CNTN4: variants seen among roughly 807,000 people sequenced by gnomAD.
CNTN4 encodes contactin-4.
A neutral mutation model predicts 122.5 loss-of-function variants in CNTN4; 77 were observed. That is an observed-to-expected ratio of 0.63 (90% CI 0.52 to 0.76). The LOEUF (loss-of-function observed/expected upper bound fraction) is 0.76, where lower values mean the gene tolerates loss of function less well. Among genes scored for constraint, CNTN4 ranks in the 30% least tolerant of loss-of-function variants. The pLI is 0.00. For synonymous variants in CNTN4, 512 were observed against 447.0 expected, an observed-to-expected ratio of 1.15 and a Z score of -1.83; for missense variants, 1,256 against 1,259.1, an observed-to-expected ratio of 1.00 and a Z score of 0.04.
At chr3:2,153,281 A>G (rs906840544) in intron 2 of CNTN4, among the ~76,000 whole-genome samples, 1 of 152,226 alleles carries the variant, frequency 6.6e-6, no homozygotes, top group East Asian at 1.9e-4. Context: ...CGAAGATTGC[A>G]TGACTACATC....
intron 2 of CNTN4, among the ~76,000 whole-genome samples, chr3:2,301,791 A>G (rs1288597579): frequency 6.6e-6 from 1 of 152,252 alleles, no homozygotes; most frequent in Non-Finnish European, 1.5e-5. Flanking sequence ...AGAAGTCTCC[A>G]TAAGGTATTC....
intron 4 of CNTN4, among the ~76,000 whole-genome samples, chr3:2,595,136 G>T (rs911059588): frequency 2.0e-5 from 3 of 152,118 alleles, no homozygotes; most frequent in South Asian, 2.1e-4. Flanking sequence ...ATGTCTTAAG[G>T]TTCCATTGAC....
chr3:2,420,748 A>G (rs1014044233), intron 3 of CNTN4, among the ~76,000 whole-genome samples: 3 of 152,072 alleles, frequency 2.0e-5, no homozygotes, highest in African/African-American at 7.2e-5. Flanking sequence ...TCTTTACTGG[A>G]CGCCTTCAAT....
chr3:2,429,762 C>G (rs1300423647), intron 3 of CNTN4, among the ~76,000 whole-genome samples: 1 of 152,204 alleles, frequency 6.6e-6, no homozygotes, highest in African/African-American at 2.4e-5. Flanking sequence ...CTTTGTTTAC[C>G]TACTCAAGCC....
intron 2 of CNTN4, among the ~76,000 whole-genome samples, chr3:2,241,504 T>A (rs2039940130): frequency 6.6e-6 from 1 of 152,174 alleles, no homozygotes; most frequent in Non-Finnish European, 1.5e-5. Context: ...GGATACCCCT[T>A]CCTTCCAGTT....
intron 2 of CNTN4, among the ~76,000 whole-genome samples, chr3:2,330,540 C>T (rs2043675708): frequency 6.6e-6 from 1 of 151,988 alleles, no homozygotes; most frequent in Non-Finnish European, 1.5e-5. Context: ...AAATGAAGAC[C>T]AAATATATAT....
intron 4 of CNTN4, among the ~76,000 whole-genome samples, chr3:2,601,033 C>G (rs1353297914): frequency 2.0e-5 from 3 of 152,264 alleles, no homozygotes; most frequent in Non-Finnish European, 4.4e-5. Context: ...TCATTGCCCA[C>G]TTTTTGATGG....
intron 7 of CNTN4, among the ~76,000 whole-genome samples, chr3:2,831,173 A>C (rs2093096584): frequency 6.6e-6 from 1 of 152,250 alleles, no homozygotes; most frequent in South Asian, 2.1e-4. Flanking sequence ...ACAAAGGAAT[A>C]AATCATGGCA....
intron 3 of CNTN4, among the ~76,000 whole-genome samples, chr3:2,378,269 G>A (rs960396688): frequency 2.0e-5 from 3 of 152,200 alleles, no homozygotes; most frequent in Non-Finnish European, 4.4e-5. Flanking sequence ...CGGGGATGCA[G>A]GCACTGCTGT....
intron 2 of CNTN4, among the ~76,000 whole-genome samples, chr3:2,200,090 C>A (rs1306250377): frequency 2.6e-5 from 4 of 152,050 alleles, no homozygotes; most frequent in Non-Finnish European, 5.9e-5. Flanking sequence ...ATTACCCCTG[C>A]AGTATGTAAA....
At chr3:2,165,507 T>G (rs1023060786) in intron 2 of CNTN4, among the ~76,000 whole-genome samples, 2 of 149,414 alleles carry the variant, frequency 1.3e-5, no homozygotes. Flanking sequence ...TCACCTCACA[T>G]AGTTACCTTT....
chr3:2,398,646 C>G (rs1457675933), intron 3 of CNTN4, among the ~76,000 whole-genome samples: 1 of 152,096 alleles, frequency 6.6e-6, no homozygotes, highest in Non-Finnish European at 1.5e-5. Context: ...GTGCATCAGA[C>G]TATGAAATTT....
At chr3:2,865,827 A>C (rs1310100623) in intron 7 of CNTN4, among the ~76,000 whole-genome samples, 1 of 152,220 alleles carries the variant, frequency 6.6e-6, no homozygotes. Flanking sequence ...GTCCTTCATA[A>C]AACATTTACC....
rs146343320 is a variant in CNTN4, at chr3:2,346,620, G to A, written c.-89+7387G>A. ...CTAGGATTGGAATTCTTAGTTAATG[G>A]TATTTTCCCCTCAATACCATGAAGA... On this transcript the variant is annotated intron_variant, in intron 3 of 24. Coordinates refer to ENST00000418658, the MANE Select transcript of CNTN4 (RefSeq NM_175607.3). Among the ~76,000 whole-genome samples the A allele has an allele frequency of 7.0e-4, 107 of 152,094 alleles. 1 individual carries two copies. Among genetic ancestry groups the A allele is most frequent in the African/African-American group, 2.3e-3 (94 of 41,506 alleles).
intron 7 of CNTN4, among the ~76,000 whole-genome samples, chr3:2,857,276 A>G (rs2093627364): frequency 6.6e-6 from 1 of 152,224 alleles, no homozygotes; most frequent in African/African-American, 2.4e-5. Flanking sequence ...TTGTCTCTTT[A>G]GCTTTTATGT....
intron 3 of CNTN4, among the ~76,000 whole-genome samples, chr3:2,568,166 C>G (rs2079258056): frequency 6.6e-6 from 1 of 151,888 alleles, no homozygotes; most frequent in African/African-American, 2.4e-5. Flanking sequence ...CATGACCAGG[C>G]CCTGCATGTA....
chr3:2,980,546 T>C (rs1038315511), intron 13 of CNTN4, among the ~76,000 whole-genome samples: 1 of 152,190 alleles, frequency 6.6e-6, no homozygotes. Flanking sequence ...AAGGAAACTT[T>C]GAAATCTCAT....
intron 7 of CNTN4, among the ~76,000 whole-genome samples, chr3:2,846,787 G>A (rs914491717): frequency 1.3e-5 from 2 of 152,060 alleles, no homozygotes; most frequent in Admixed American, 1.3e-4. Context: ...ACCTGAGGTT[G>A]GGAGTTCGAG....
intron 4 of CNTN4, among the ~76,000 whole-genome samples, chr3:2,631,865 C>CAAAAAAAAAAAAAAAAAAAA (rs1157671569): frequency 2.9e-5 from 2 of 70,172 alleles, no homozygotes; most frequent in South Asian, 5.0e-4. Context: ...CGTATCTCTA[C>CAAAAAAAAAAAAAAAAAAAA]AAAAAAAAAA....
Sources: allele counts gnomAD v4.1 joint callset (sites outside exome capture counted in the v4.1 genomes callset), GRCh38; gene constraint gnomAD v4.1.1; transcripts MANE v1.5; gene names NCBI Gene and HGNC (gene_info 2026-07-23, HGNC 2026-07-21).